The following MRPS28 variants were observed in gnomAD, a reference collection of about 807,000 sequenced individuals.
MRPS28 encodes mitochondrial ribosomal protein S28.
A neutral mutation model predicts 10.8 loss-of-function variants in MRPS28; 7 were observed. That is an observed-to-expected ratio of 0.65 (90% CI 0.37 to 1.22). MRPS28 has a LOEUF of 1.22. Ranked by LOEUF, MRPS28 falls within the 50% of genes most tolerant of loss-of-function variation. MRPS28 has a pLI of 0.02. For missense variants in MRPS28, 265 were observed against 232.9 expected, an observed-to-expected ratio of 1.14 and a Z score of -0.90; for synonymous variants, 121 against 93.3, an observed-to-expected ratio of 1.30 and a Z score of -1.71.
intron 2 of MRPS28, among the ~76,000 whole-genome samples, chr8:79,995,642 C>T (rs1808481791): frequency 1.3e-5 from 2 of 152,192 alleles, no homozygotes; most frequent in Admixed American, 1.3e-4. Context: ...AACCCAGTTA[C>T]ACTTCACTTA....
chr8:79,986,390 C>T (rs1362679626), intron 2 of MRPS28, among the ~76,000 whole-genome samples: 3 of 152,188 alleles, frequency 2.0e-5, no homozygotes, highest in Admixed American at 1.3e-4. Flanking sequence ...TCTCTCACCA[C>T]TCCTATTCAA....
In MRPS28 at chr8:79,993,783, CTTA is replaced by C. The variant is rs1808425341; in HGVS notation, c.395+9213_395+9215del. Among the ~76,000 whole-genome samples the C allele has an allele frequency of 3.3e-5, 5 of 152,192 alleles. No homozygotes were observed. The South Asian group carries it at 1.0e-3, about 32-fold the overall frequency. The stretch of plus-strand genomic sequence containing the variant: ...TAAAATGACCCACTTAATTCAAATT[CTTA>C]TTTTCTCTTTTCCCCACCAATACAC... On this transcript the variant is annotated intron_variant, in intron 2 of 2. Transcript: ENST00000276585.
chr8:79,958,465 G>A (rs1586059181), intron 2 of MRPS28: 2 of 637,994 alleles, frequency 3.1e-6, no homozygotes, highest in East Asian at 2.9e-5. Flanking sequence ...TTGAGATTCA[G>A]AAGAACTCAA....
rs1458180166 is a variant in MRPS28 at position 80,029,974 on chromosome 8, A to AC, written c.213+61dup. 49 of 1,572,436 alleles carry AC rather than the reference A, an allele frequency of 3.1e-5. No homozygotes were observed. In the South Asian group the frequency reaches 3.9e-4, roughly 13 times the overall value. On this transcript the variant is annotated intron_variant, in intron 1 of 2. Coordinates refer to ENST00000276585, the MANE Select transcript of MRPS28 (RefSeq NM_014018.3). ...AAGCCAGGCTCCGCCCCTATTCCCG[A>AC]CCCCGCCCACCGCGTCGTTGGCGTA...
intron 2 of MRPS28, among the ~76,000 whole-genome samples, chr8:79,990,704 T>C (rs962437016): frequency 6.6e-6 from 1 of 151,764 alleles, no homozygotes; most frequent in Admixed American, 6.6e-5. Context: ...AGAAAGTCAC[T>C]GTGGGATAGG....
At chr8:79,980,738 C>A (rs977509637) in intron 2 of MRPS28, among the ~76,000 whole-genome samples, 4 of 152,236 alleles carry the variant, frequency 2.6e-5, no homozygotes, top group Non-Finnish European at 4.4e-5. Flanking sequence ...AACTTATACT[C>A]TGCAAGGCAC....
intron 2 of MRPS28, among the ~76,000 whole-genome samples, chr8:79,953,551 T>C (rs965381959): frequency 1.3e-5 from 2 of 152,218 alleles, no homozygotes; most frequent in Non-Finnish European, 2.9e-5. Flanking sequence ...TCATCCCATA[T>C]ACTAAAATCA....
At chr8:80,004,887 T>G (rs1417512397) in intron 1 of MRPS28, among the ~76,000 whole-genome samples, 1 of 152,212 alleles carries the variant, frequency 6.6e-6, no homozygotes, top group Non-Finnish European at 1.5e-5. Flanking sequence ...AGGGTATCAG[T>G]GATTGAAGAT....
chr8:79,983,476 G>A (rs1413943071), intron 2 of MRPS28, among the ~76,000 whole-genome samples: 6 of 151,918 alleles, frequency 3.9e-5, no homozygotes, highest in African/African-American at 7.3e-5. Flanking sequence ...AAACTACTCC[G>A]AGCTACAGGA....
At chr8:79,973,647 G>A (rs1041541450) in intron 2 of MRPS28, among the ~76,000 whole-genome samples, 3 of 152,042 alleles carry the variant, frequency 2.0e-5, no homozygotes, top group African/African-American at 7.2e-5. Context: ...GGAAGGTTGG[G>A]GCAACTAGTA....
intron 2 of MRPS28, among the ~76,000 whole-genome samples, chr8:79,969,638 GGCTGAC>G (rs1247540314): frequency 6.6e-6 from 1 of 152,048 alleles, no homozygotes; most frequent in African/African-American, 2.4e-5. Flanking sequence ...AGAAAACAGA[GGCTGAC>G]GCAGGAGGAT....
chr8:79,973,724 C>A (rs77424859), intron 2 of MRPS28, among the ~76,000 whole-genome samples: 5,367 of 151,614 alleles, frequency 0.035, 253 homozygotes, highest in African/African-American at 0.1. Flanking sequence ...GTTTCTGCCA[C>A]TCAGAGACTC....
chr8:79,960,772 CT>C (rs1807355210), intron 2 of MRPS28, among the ~76,000 whole-genome samples: 1 of 151,924 alleles, frequency 6.6e-6, no homozygotes, highest in Admixed American at 6.6e-5. Flanking sequence ...GTTGTGAATC[CT>C]TTTTACCACA....
chr8:80,012,294 A>G (rs1266463867), intron 1 of MRPS28, among the ~76,000 whole-genome samples: 1 of 152,232 alleles, frequency 6.6e-6, no homozygotes, highest in Non-Finnish European at 1.5e-5. Context: ...TTGGGAAGCT[A>G]CATCAAACAA....
chr8:79,967,889 AAT>A (rs1654522181), intron 2 of MRPS28, among the ~76,000 whole-genome samples: 1 of 152,154 alleles, frequency 6.6e-6, no homozygotes, highest in African/African-American at 2.4e-5. Context: ...ATATACTATT[AAT>A]ATATGTGTAT....
intron 1 of MRPS28, among the ~76,000 whole-genome samples, chr8:80,017,900 G>A (rs758591604): frequency 2.0e-5 from 3 of 152,072 alleles, no homozygotes; most frequent in South Asian, 2.1e-4. Flanking sequence ...TGAGACTTAC[G>A]ACAGGTTTAA....
chr8:79,938,498 T>TA (rs1453302068), intron 2 of MRPS28, among the ~76,000 whole-genome samples: 2 of 152,026 alleles, frequency 1.3e-5, no homozygotes, highest in Admixed American at 6.6e-5. Flanking sequence ...ATTAAGGTTT[T>TA]AAAGCTCATT....
intron 2 of MRPS28, among the ~76,000 whole-genome samples, chr8:79,940,744 TACC>T (rs1806744016): frequency 6.6e-6 from 1 of 152,214 alleles, no homozygotes; most frequent in Non-Finnish European, 1.5e-5. Context: ...GGTGAAATTC[TACC>T]ACCACTCCAG....
At chr8:79,986,993 G>A (rs1283354131) in intron 2 of MRPS28, among the ~76,000 whole-genome samples, 1 of 152,196 alleles carries the variant, frequency 6.6e-6, no homozygotes, top group Non-Finnish European at 1.5e-5. Context: ...AAAGAACAAA[G>A]CTGGAGGCAT....
Sources: allele counts gnomAD v4.1 joint callset (sites outside exome capture counted in the v4.1 genomes callset), GRCh38; gene constraint gnomAD v4.1.1; transcripts MANE v1.5; gene names NCBI Gene and HGNC (gene_info 2026-07-23, HGNC 2026-07-21).